Variants in ALK observed in about 807,000 individuals in gnomAD.
ALK encodes the protein ALK receptor tyrosine kinase.
Under a neutral mutation model 163.1 loss-of-function variants are expected in ALK, and 74 were observed. The observed-to-expected ratio is 0.45, with a 90% CI of 0.38 to 0.55. ALK has a LOEUF of 0.55. ALK is among the 20% of genes least tolerant of loss of function. ALK has a pLI of 0.00. For missense variants in ALK, 2,063 were observed against 2,105.3 expected (o/e 0.98, Z 0.39); for synonymous variants, 960 against 843.2 (o/e 1.14, Z -2.40).
intron 4 of ALK, among the ~76,000 whole-genome samples, chr2:29,484,874 A>G (rs7425915): frequency 0.41 from 62,885 of 151,772 alleles, 13,603 homozygotes; most frequent in East Asian, 0.69. Flanking sequence ...GTTTTCTGTT[A>G]TTTTTGTTGT....
intron 9 of ALK, chr2:29,286,851 C>A (rs971586917): frequency 6.6e-6 from 1 of 151,984 alleles, no homozygotes; most frequent in Non-Finnish European, 1.5e-5. Flanking sequence ...GAAGAAGAGA[C>A]ATTCTCAAGT....
chr2:29,244,638 G>A (rs1463330989), intron 12 of ALK, among the ~76,000 whole-genome samples: 1 of 152,202 alleles, frequency 6.6e-6, no homozygotes, highest in African/African-American at 2.4e-5. Flanking sequence ...GGAGCCTGTG[G>A]AGAGGAGGGA....
At position 29,208,015 on chromosome 2, in the gene ALK, A is replaced by G. The variant is rs769425932; in HGVS notation, c.3837-743T>C. On this transcript the variant is annotated intron_variant, in intron 25 of 28. Transcript: ENST00000389048. ...CATTAATTAATTACCTCAATAAATAAGTACTGAATATTTAGTATGTATCAG... is the reference window on the plus strand; with the variant it reads ...CATTAATTAATTACCTCAATAAATAGGTACTGAATATTTAGTATGTATCAG... The G allele has an allele frequency of 1.1e-5, 5 of 446,160 alleles. No individual in the cohort carries two copies. In the East Asian group the frequency reaches 2.8e-4, roughly 25 times the overall value. 27.6% of individuals were successfully genotyped at this position (446,160 alleles called of 1,614,324 possible).
intron 28 of ALK, 91 bp downstream of exon 28, chr2:29,196,679 C>G (rs1285801799): frequency 1.1e-6 from 1 of 935,386 alleles, no homozygotes; most frequent in Non-Finnish European, 1.8e-6. Context: ...TGTACTCTGA[C>G]TGGCTTGACC....
chr2:29,869,944 C>T (rs1475722769), intron 1 of ALK, among the ~76,000 whole-genome samples: 1 of 152,044 alleles, frequency 6.6e-6, no homozygotes, highest in African/African-American at 2.4e-5. Context: ...AAATATCCAA[C>T]CTGATGGTTA....
intron 28 of ALK, among the ~76,000 whole-genome samples, chr2:29,195,906 C>G (rs1285368357): frequency 6.6e-6 from 1 of 152,168 alleles, no homozygotes; most frequent in Non-Finnish European, 1.5e-5. Flanking sequence ...GGCAGCAAGG[C>G]TGGCCTTGAA....
intron 1 of ALK, among the ~76,000 whole-genome samples, chr2:29,867,559 T>C (rs377509329): frequency 6.6e-6 from 1 of 152,120 alleles, no homozygotes; most frequent in Non-Finnish European, 1.5e-5. Context: ...ATCTTACAAC[T>C]GCCTCATAAC....
intron 3 of ALK, among the ~76,000 whole-genome samples, chr2:29,579,197 T>C (rs143008875): frequency 7.1e-4 from 108 of 152,360 alleles, no homozygotes; most frequent in African/African-American, 2.6e-3. Flanking sequence ...GTGGCCAATT[T>C]GCCGTGTGAC....
chr2:29,372,628 C>T (rs763454997), intron 5 of ALK, among the ~76,000 whole-genome samples: 8 of 152,162 alleles, frequency 5.3e-5, no homozygotes, highest in African/African-American at 9.7e-5. Flanking sequence ...GTCTTCATTT[C>T]GCACGTGAAT....
intron 18 of ALK, among the ~76,000 whole-genome samples, chr2:29,226,041 C>A (rs1663975141): frequency 6.6e-6 from 1 of 152,058 alleles, no homozygotes; most frequent in Non-Finnish European, 1.5e-5. Flanking sequence ...GTGCTTGGTA[C>A]TGGACACTAC....
intron 4 of ALK, among the ~76,000 whole-genome samples, chr2:29,454,042 T>C (rs1396746305): frequency 3.3e-5 from 5 of 152,190 alleles, no homozygotes; most frequent in Non-Finnish European, 7.3e-5. Flanking sequence ...GGTTAATAAC[T>C]TTGGCTACCG....
At chr2:29,285,617 C>G (rs1665834165) in intron 9 of ALK, among the ~76,000 whole-genome samples, 1 of 149,198 alleles carries the variant, frequency 6.7e-6, no homozygotes, top group Non-Finnish European at 1.5e-5. Context: ...GGCTGGAATG[C>G]AGTGGTGCGA....
chr2:29,286,307 G>C (rs1305260853), intron 9 of ALK: 1 of 152,118 alleles, frequency 6.6e-6, no homozygotes, highest in Non-Finnish European at 1.5e-5. Context: ...ATATATGTTT[G>C]CCGACAATGT....
chr2:29,627,735 G>A (rs1445655376), intron 3 of ALK, among the ~76,000 whole-genome samples: 1 of 152,172 alleles, frequency 6.6e-6, no homozygotes, highest in Non-Finnish European at 1.5e-5. Context: ...ACTGTAATCT[G>A]GGCTTTAAGT....
At chr2:29,553,514 A>G (rs1673767819) in intron 3 of ALK, among the ~76,000 whole-genome samples, 1 of 152,194 alleles carries the variant, frequency 6.6e-6, no homozygotes, top group Non-Finnish European at 1.5e-5. Flanking sequence ...TGCTTCTGAC[A>G]TTTACCTCCT....
chr2:29,742,937 C>T lies in ALK; in HGVS notation c.668-25240G>A, dbSNP rs1254451781. On this transcript the variant is annotated intron_variant, in intron 1 of 28. Coordinates refer to ENST00000389048, the MANE Select transcript of ALK (RefSeq NM_004304.5). ...TCAGTGAAGGACTCATAATAACAAA[C>T]ACTTCTTGTACTTTGGCAACGTCTC... Among the ~76,000 whole-genome samples the T allele has an allele frequency of 2.6e-5, 4 of 152,330 alleles. No homozygotes were observed. The South Asian group carries it at 8.3e-4, about 32-fold the overall frequency.
chr2:29,357,684 G>A (rs1668285478), intron 5 of ALK, among the ~76,000 whole-genome samples: 2 of 152,186 alleles, frequency 1.3e-5, no homozygotes, highest in Admixed American at 6.5e-5. Flanking sequence ...CATGTCAAAT[G>A]CCAAGCTCCA....
At chr2:29,219,353 T>C (rs1669723596) in intron 23 of ALK, among the ~76,000 whole-genome samples, 1 of 152,216 alleles carries the variant, frequency 6.6e-6, no homozygotes, top group African/African-American at 2.4e-5. Context: ...GAAGGTATTT[T>C]ACATGGATCC....
At chr2:29,623,051 C>A (rs1376146783) in intron 3 of ALK, among the ~76,000 whole-genome samples, 1 of 152,106 alleles carries the variant, frequency 6.6e-6, no homozygotes, top group Non-Finnish European at 1.5e-5. Context: ...ATTTTTTAAC[C>A]ATTAAATTTG....
Sources: gnomAD v4.1 joint callset for allele counts (sites outside exome capture counted in the v4.1 genomes callset) on GRCh38, gnomAD v4.1.1 for gene constraint, MANE v1.5 for transcripts, NCBI Gene and HGNC (gene_info 2026-07-23, HGNC 2026-07-21) for gene names.